The following CYTH3 variants were observed in gnomAD, a reference collection of about 807,000 sequenced individuals.
CYTH3 encodes cytohesin-3.
In CYTH3, 23 loss-of-function variants were observed where a neutral mutation model predicts 55.1. The ratio of observed to expected loss-of-function variants is 0.42; its 90% CI spans 0.30 to 0.59. The LOEUF is 0.59. Among genes scored for constraint, CYTH3 ranks in the 20% least tolerant of loss-of-function variants. The probability of loss-of-function intolerance (pLI) is 0.20; values close to 1 mark genes in which losing one functional copy is unlikely to be tolerated. For missense variants in CYTH3, 413 were observed against 524.8 expected (o/e 0.79, Z 2.08); for synonymous variants, 249 against 194.9 (o/e 1.28, Z -2.31).
Position 6,191,485 on chromosome 7 carries a change from A to G in CYTH3, c.35-954T>C, listed in dbSNP as rs533462590. 1.8e-4 allele frequency among the ~76,000 whole-genome samples: 28 copies of G among 152,308 alleles called. No individual in the cohort carries two copies. The South Asian group carries it at 5.4e-3, about 29-fold the overall frequency. On this transcript the variant is annotated intron_variant, in intron 1 of 12. Transcript: ENST00000350796. ...ATGTTATCAATCACACATATTTTCAATCAATTACAAGTGGATTAAAAGTAT... is the reference window on the plus strand; with the variant it reads ...ATGTTATCAATCACACATATTTTCAGTCAATTACAAGTGGATTAAAAGTAT...
chr7:6,244,100 G>C (rs1198430997), intron 1 of CYTH3, among the ~76,000 whole-genome samples: 1 of 152,162 alleles, frequency 6.6e-6, no homozygotes. Context: ...GTTCTATGCA[G>C]CCCAACATAC....
intron 1 of CYTH3, among the ~76,000 whole-genome samples, chr7:6,195,150 C>A (rs754927790): frequency 6.6e-6 from 1 of 151,920 alleles, no homozygotes. Context: ...AAAAAGAGAA[C>A]AAATTTATTA....
chr7:6,165,462 G>A (rs534225978), intron 11 of CYTH3, 35 bp from the exon 12 acceptor site: 26 of 1,609,282 alleles, frequency 1.6e-5, no homozygotes, highest in Admixed American at 3.4e-5. Flanking sequence ...GCGGTCAGGG[G>A]GGCTTGGGGC....
chr7:6,223,223 G>A (rs1019871788), intron 1 of CYTH3, among the ~76,000 whole-genome samples: 8 of 151,724 alleles, frequency 5.3e-5, no homozygotes, highest in South Asian at 2.1e-4. Context: ...GCCTCGGCCC[G>A]GCCGCCCCAT....
intron 4 of CYTH3, among the ~76,000 whole-genome samples, chr7:6,178,192 C>T (rs1401150134): frequency 6.6e-6 from 1 of 152,216 alleles, no homozygotes; most frequent in Non-Finnish European, 1.5e-5. Context: ...ATTGAACAAA[C>T]CATTACAGGT....
intron 1 of CYTH3, among the ~76,000 whole-genome samples, chr7:6,229,670 A>T (rs886431824): frequency 6.9e-5 from 10 of 144,174 alleles, no homozygotes; most frequent in Non-Finnish European, 1.2e-4. Flanking sequence ...AAAAAAAATT[A>T]GCCGGGCATG....
At chr7:6,201,916 G>T (rs553454185) in intron 1 of CYTH3, among the ~76,000 whole-genome samples, 24 of 152,272 alleles carry the variant, frequency 1.6e-4, no homozygotes, top group African/African-American at 5.5e-4. Context: ...CAAGGAAAGA[G>T]AAAGAGAAAC....
intron 1 of CYTH3, among the ~76,000 whole-genome samples, chr7:6,196,164 C>A (rs1783921132): frequency 6.6e-6 from 1 of 152,182 alleles, no homozygotes; most frequent in Non-Finnish European, 1.5e-5. Flanking sequence ...GCTCTATTCT[C>A]CTTGGCTCAG....
Position 6,246,633 on chromosome 7 carries a change from A to G in CYTH3, c.34+25841T>C, listed in dbSNP as rs573508216. The stretch of plus-strand genomic sequence containing the variant: ...TCAAAAACAAAAATAAAACAGTAAA[A>G]AATAAAGGCTGGGCTTTTACTTTCT... On this transcript the variant is annotated intron_variant, in intron 1 of 12. Coordinates refer to ENST00000350796, the MANE Select transcript of CYTH3 (RefSeq NM_004227.4). Among the ~76,000 whole-genome samples the G allele has an allele frequency of 5.3e-5, 8 of 152,204 alleles. No individual in the cohort carries two copies. The East Asian group carries it at 1.5e-3, about 29-fold the overall frequency.
At chr7:6,166,623 G>C (rs1469081855) in intron 9 of CYTH3, among the ~76,000 whole-genome samples, 1 of 152,162 alleles carries the variant, frequency 6.6e-6, no homozygotes, top group Non-Finnish European at 1.5e-5. Context: ...TCTGTGGATG[G>C]ATCACCAGGA....
At chr7:6,174,996 CTTTA>C (rs942774875) in intron 5 of CYTH3, among the ~76,000 whole-genome samples, 1 of 152,148 alleles carries the variant, frequency 6.6e-6, no homozygotes, top group African/African-American at 2.4e-5. Flanking sequence ...TGGAAGAGTT[CTTTA>C]TATAATCTAG....
intron 5 of CYTH3, among the ~76,000 whole-genome samples, chr7:6,175,889 C>T (rs1257575273): frequency 6.6e-6 from 1 of 151,990 alleles, no homozygotes; most frequent in Non-Finnish European, 1.5e-5. Flanking sequence ...CAACTTTGTT[C>T]TTTTTTAGAC....
intron 1 of CYTH3, among the ~76,000 whole-genome samples, chr7:6,191,508 T>C (rs1034526845): frequency 6.6e-6 from 1 of 151,886 alleles, no homozygotes; most frequent in Non-Finnish European, 1.5e-5. Flanking sequence ...GGATTAAAAG[T>C]ATAAATGTGA....
intron 12 of CYTH3, 85 bp downstream of exon 12, chr7:6,165,188 G>T: frequency 6.4e-7 from 1 of 1,560,230 alleles, no homozygotes; most frequent in South Asian, 1.2e-5. Context: ...TCTTGCACAC[G>T]GAAGCATCCA....
At position 6,164,820 on chromosome 7, in the gene CYTH3, G is replaced by A; in HGVS notation, c.*124C>T. The A allele has an allele frequency of 1.8e-6, 2 of 1,101,034 alleles. No homozygotes were observed. The highest frequency in any genetic ancestry group is 2.4e-5 in the East Asian group (1 of 42,500). 68.2% of individuals were successfully genotyped at this position (1,101,034 alleles called of 1,614,324 possible). On this transcript the variant is annotated 3_prime_UTR_variant, in exon 13 of 13. Transcript: ENST00000350796. ...GGGGATACCACCTGGGCCACGGTAT[G>A]CTCTGGAGCAGCAGCTTGCACCGCA...
intron 1 of CYTH3, among the ~76,000 whole-genome samples, chr7:6,270,452 A>G (rs1383254241): frequency 6.6e-6 from 1 of 152,244 alleles, no homozygotes; most frequent in Non-Finnish European, 1.5e-5. Context: ...TACACTTAAA[A>G]CATTCACGTC....
At chr7:6,241,918 T>C (rs950006947) in intron 1 of CYTH3, among the ~76,000 whole-genome samples, 1 of 152,230 alleles carries the variant, frequency 6.6e-6, no homozygotes, top group Non-Finnish European at 1.5e-5. Flanking sequence ...ATTTTTATTA[T>C]AATTGCATAA....
At chr7:6,208,878 C>T (rs889636881) in intron 1 of CYTH3, among the ~76,000 whole-genome samples, 3 of 152,168 alleles carry the variant, frequency 2.0e-5, no homozygotes, top group African/African-American at 7.2e-5. Flanking sequence ...AAGATCTTCT[C>T]CATCAGAAAC....
rs1239327047 is a variant in CYTH3, at chr7:6,164,810, G to T, written c.*134C>A. ...ACGAGGCCTTGGGGATACCACCTGG[G>T]CCACGGTATGCTCTGGAGCAGCAGC... On this transcript the variant is annotated 3_prime_UTR_variant, in exon 13 of 13. Transcript: ENST00000350796. The T allele has an allele frequency of 1.3e-5, 13 of 1,011,930 alleles. No homozygotes were observed. The highest frequency in any genetic ancestry group is 3.2e-4 in the Middle Eastern group (1 of 3,174). 62.7% of individuals were successfully genotyped at this position (1,011,930 alleles called of 1,614,324 possible). A position where few individuals can be genotyped will look rare whatever the true frequency, so the allele number is the denominator to read the frequency against.
Sources: gnomAD v4.1 joint callset for allele counts (sites outside exome capture counted in the v4.1 genomes callset) on GRCh38, gnomAD v4.1.1 for gene constraint, MANE v1.5 for transcripts, NCBI Gene and HGNC (gene_info 2026-07-23, HGNC 2026-07-21) for gene names.